The following SLC2A12 variants were observed in gnomAD, a reference collection of about 807,000 sequenced individuals.
The protein encoded by SLC2A12 is solute carrier family 2 member 12.
In SLC2A12, 23 loss-of-function variants were observed where a neutral mutation model predicts 41.8. The ratio of observed to expected loss-of-function variants is 0.55; its 90% CI spans 0.40 to 0.78. SLC2A12 has a LOEUF of 0.78. Among genes scored for constraint, SLC2A12 ranks in the 30% least tolerant of loss-of-function variants. SLC2A12 has a pLI of 0.00. For missense variants in SLC2A12, 654 were observed against 745.6 expected (o/e 0.88, Z 1.43); for synonymous variants, 295 against 285.9 (o/e 1.03, Z -0.32).
rs1017069756 is a variant in SLC2A12, at chr6:134,009,638, T to A, written c.1445-2704A>T. Among the ~76,000 whole-genome samples the A allele has an allele frequency of 6.6e-5, 10 of 150,814 alleles. No homozygotes were observed. The East Asian group carries it at 1.9e-3, about 29-fold the overall frequency. On this transcript the variant is annotated intron_variant, in intron 2 of 4. Coordinates refer to ENST00000275230, the MANE Select transcript of SLC2A12 (RefSeq NM_145176.3). ...TAGTTACAGACCAGCCTGCACAACA[T>A]AGCGAAATCTTGTCTCTACTTAAAA...
rs533155835 is a variant in SLC2A12 at position 134,037,144 on chromosome 6, ATTTTTTTTTT to A, written c.104-7433_104-7424del. Among the ~76,000 whole-genome samples the A allele has an allele frequency of 1.8e-4, 15 of 83,334 alleles. 1 individual carries two copies. In the South Asian group the frequency reaches 4.5e-3, roughly 25 times the overall value. The allele number at this position is 83,334 out of a possible 152,430, so 54.7% of individuals were successfully genotyped here. On this transcript the variant is annotated intron_variant, in intron 1 of 4. Transcript: ENST00000275230. ...TCACAGCCCAGGGAAACTCGATTCA[ATTTTTTTTTT>A]TTTTTTTTTTTTTTTTTTGAGAAGA... is the stretch of plus-strand genomic sequence containing the variant.
chr6:134,014,747 A>G (rs2306649), intron 2 of SLC2A12, among the ~76,000 whole-genome samples: 28,056 of 152,210 alleles, frequency 0.18, 2,709 homozygotes, highest in East Asian at 0.31. Context: ...TTTCAAGGTC[A>G]TAGAACTGTA....
chr6:134,009,819 T>A (rs892035216), intron 2 of SLC2A12, among the ~76,000 whole-genome samples: 3 of 146,356 alleles, frequency 2.0e-5, no homozygotes, highest in African/African-American at 7.3e-5. Flanking sequence ...CACTCTAGCC[T>A]GAGCAACAGA....
At chr6:133,998,019 G>A (rs1327584225) in intron 4 of SLC2A12, among the ~76,000 whole-genome samples, 1 of 152,128 alleles carries the variant, frequency 6.6e-6, no homozygotes, top group Non-Finnish European at 1.5e-5. Flanking sequence ...CAGTACCTTT[G>A]GCTTTTGGTC....
intron 1 of SLC2A12, among the ~76,000 whole-genome samples, chr6:134,036,876 A>G (rs1286627499): frequency 6.6e-6 from 1 of 152,164 alleles, no homozygotes; most frequent in Non-Finnish European, 1.5e-5. Flanking sequence ...TTTTATTGTC[A>G]CAACTATATT....
chr6:134,023,279 G>A (rs1261940998), intron 2 of SLC2A12, among the ~76,000 whole-genome samples: 1 of 152,210 alleles, frequency 6.6e-6, no homozygotes, highest in Admixed American at 6.5e-5. Flanking sequence ...GAGATGATAA[G>A]AGGTAGCATA....
Position 134,021,739 on chromosome 6 carries a change from G to T in SLC2A12, c.1444+6642C>A, listed in dbSNP as rs1044465465. On this transcript the variant is annotated intron_variant, in intron 2 of 4. Coordinates refer to ENST00000275230, the MANE Select transcript of SLC2A12 (RefSeq NM_145176.3). Reference sequence around the variant, plus strand: ...TTTCTGATTTTAAATTTATACGTTTGGTAGCCCAGAACTGAATTACTCTAG... The same window carrying T: ...TTTCTGATTTTAAATTTATACGTTTTGTAGCCCAGAACTGAATTACTCTAG... Among the ~76,000 whole-genome samples, 4 of 152,142 alleles carry T rather than the reference G, an allele frequency of 2.6e-5. No homozygotes were observed. The East Asian group carries it at 7.7e-4, about 29-fold the overall frequency.
Position 134,028,981 on chromosome 6 carries a change from C to T in SLC2A12, c.844G>A (p.Gly282Arg). The T allele has an allele frequency of 6.2e-7, 1 of 1,614,210 alleles. No individual in the cohort carries two copies. Among genetic ancestry groups the T allele is most frequent in the Non-Finnish European group, 8.5e-7 (1 of 1,180,040 alleles). ...KDNMRTRIMIGLTLVFFVQIT... is the reference protein window; with the variant it reads ...KDNMRTRIMIRLTLVFFVQIT... Reference sequence around the variant, plus strand: ...TGTACAAAAAATACTAGTGTTAGTCCTATCATTATTCGGGTCCGCATGTTG... The same window carrying T: ...TGTACAAAAAATACTAGTGTTAGTCTTATCATTATTCGGGTCCGCATGTTG... Residue 282 changes from glycine to arginine, a missense_variant, in exon 2 of 5, where the codon GGA (glycine) becomes AGA (arginine). Coordinates refer to ENST00000275230, the MANE Select transcript of SLC2A12 (RefSeq NM_145176.3).
intron 3 of SLC2A12, among the ~76,000 whole-genome samples, chr6:134,005,118 C>T (rs1414985244): frequency 6.6e-6 from 1 of 152,170 alleles, no homozygotes; most frequent in Non-Finnish European, 1.5e-5. Flanking sequence ...GCTAGGAAAA[C>T]AAGGCGAATG....
chr6:134,015,915 A>C (rs1051123272), intron 2 of SLC2A12, among the ~76,000 whole-genome samples: 1 of 152,192 alleles, frequency 6.6e-6, no homozygotes, highest in Non-Finnish European at 1.5e-5. Context: ...CAACATTGAT[A>C]CCCACCCTCC....
Position 134,032,423 on chromosome 6 carries a change from TA to T in SLC2A12, c.104-2703del, listed in dbSNP as rs1562201569. ...AGGGAGAAATATATATATATATATA[TA>T]TTTATATATATATATATATATATAA... On this transcript the variant is annotated intron_variant, in intron 1 of 4. Coordinates refer to ENST00000275230, the MANE Select transcript of SLC2A12 (RefSeq NM_145176.3). 4.5e-3 allele frequency among the ~76,000 whole-genome samples: 149 copies of T among 33,098 alleles called. 7 individuals carry two copies. Among genetic ancestry groups the T allele is most frequent in the African/African-American group, 0.019 (132 of 7,032 alleles). The allele number at this position is 33,098 out of a possible 152,430, so 21.7% of individuals were successfully genotyped here. A position where few individuals can be genotyped will look rare whatever the true frequency, so the allele number is the denominator to read the frequency against.
In SLC2A12 at chr6:133,990,957, C is replaced by T. The variant is rs1044168598; in HGVS notation, c.*198G>A. ...GCTCAGAAAAAGAGATCACTTAGGACCTTGTACCTCATCTACCTTTTGAGG... is the reference window on the plus strand; with the variant it reads ...GCTCAGAAAAAGAGATCACTTAGGATCTTGTACCTCATCTACCTTTTGAGG... On this transcript the variant is annotated 3_prime_UTR_variant, in exon 5 of 5. Transcript: ENST00000275230. 9 of 578,230 alleles carry T rather than the reference C, an allele frequency of 1.6e-5. No individual in the cohort carries two copies. The South Asian group carries it at 3.0e-4, about 19-fold the overall frequency. 35.8% of individuals were successfully genotyped at this position (578,230 alleles called of 1,614,324 possible).
intron 2 of SLC2A12, among the ~76,000 whole-genome samples, chr6:134,025,281 G>A (rs527979684): frequency 6.6e-6 from 1 of 152,286 alleles, no homozygotes; most frequent in South Asian, 2.1e-4. Context: ...AATTTCAGAA[G>A]ATAAAACATG....
At chr6:134,039,939 C>A (rs9402561) in intron 1 of SLC2A12, among the ~76,000 whole-genome samples, 3 of 152,076 alleles carry the variant, frequency 2.0e-5, no homozygotes, top group Non-Finnish European at 4.4e-5. Context: ...TGATTGGAGG[C>A]TTCTCGAGGC....
intron 4 of SLC2A12, among the ~76,000 whole-genome samples, chr6:133,994,904 C>A (rs1040368242): frequency 2.0e-4 from 30 of 152,120 alleles, no homozygotes; most frequent in African/African-American, 7.2e-4. Flanking sequence ...GCAAGCATTT[C>A]AGGAAGGACT....
rs1441884082 is a variant in SLC2A12, at chr6:134,022,543, GAAAAGAAAAGA to G, written c.1444+5827_1444+5837del. 2.9e-4 allele frequency among the ~76,000 whole-genome samples: 7 copies of G among 24,030 alleles called. No homozygotes were observed. The Admixed American group carries it at 3.3e-3, about 11-fold the overall frequency. The allele number at this position is 24,030 out of a possible 152,430, so 15.8% of individuals were successfully genotyped here. On this transcript the variant is annotated intron_variant, in intron 2 of 4. Transcript: ENST00000275230. ...TGAAACTCCATCTCAAAAAAGAAAA[GAAAAGAAAAGA>G]AAAGAAAAGAAAAGAAAAGAAAAGA...
chr6:134,035,653 ACT>A (rs879813395), intron 1 of SLC2A12, among the ~76,000 whole-genome samples: 3 of 151,928 alleles, frequency 2.0e-5, no homozygotes, highest in Non-Finnish European at 4.4e-5. Context: ...TTCTCTTGTC[ACT>A]CTGTCTCCTG....
At chr6:134,006,649 T>G (rs1053972905) in intron 3 of SLC2A12, among the ~76,000 whole-genome samples, 163 bp downstream of exon 3, 1 of 152,156 alleles carries the variant, frequency 6.6e-6, no homozygotes, top group African/African-American at 2.4e-5. Flanking sequence ...TAGATTTACA[T>G]TCAAAACTGT....
At chr6:134,010,960 C>T (rs1240539463) in intron 2 of SLC2A12, among the ~76,000 whole-genome samples, 1 of 152,126 alleles carries the variant, frequency 6.6e-6, no homozygotes, top group Non-Finnish European at 1.5e-5. Flanking sequence ...TTAAATTCTA[C>T]AGCTCTCCAG....
Sources: allele counts gnomAD v4.1 joint callset (sites outside exome capture counted in the v4.1 genomes callset), GRCh38; gene constraint gnomAD v4.1.1; transcripts MANE v1.5; gene names NCBI Gene and HGNC (gene_info 2026-07-23, HGNC 2026-07-21).